The following PAPPA2 variants were observed in gnomAD, a reference collection of about 807,000 sequenced individuals.
PAPPA2 encodes the protein pappalysin 2.
A neutral mutation model predicts 176.4 loss-of-function variants in PAPPA2; 86 were observed. That is an observed-to-expected ratio of 0.49 (90% CI 0.41 to 0.58). PAPPA2 has a LOEUF of 0.58. PAPPA2 is among the 20% of genes least tolerant of loss of function. The pLI, the probability that PAPPA2 is intolerant of heterozygous loss-of-function variation, is 0.00. For synonymous variants in PAPPA2, 809 were observed against 852.2 expected (o/e 0.95, Z 0.88); for missense variants, 2,073 against 2,256.9 (o/e 0.92, Z 1.65).
intron 2 of PAPPA2, among the ~76,000 whole-genome samples, chr1:176,578,220 G>A (rs1652764031): frequency 6.6e-6 from 1 of 152,200 alleles, no homozygotes; most frequent in Non-Finnish European, 1.5e-5. Context: ...AAGAAAAGCT[G>A]TCAATAAGAT....
intron 3 of PAPPA2, among the ~76,000 whole-genome samples, chr1:176,653,760 T>C (rs1471949487): frequency 6.6e-6 from 1 of 151,746 alleles, no homozygotes; most frequent in Non-Finnish European, 1.5e-5. Context: ...AATCTGATTC[T>C]GTCTCTATTG....
chr1:176,666,505 C>A (rs1416264862), intron 3 of PAPPA2, among the ~76,000 whole-genome samples: 1 of 148,828 alleles, frequency 6.7e-6, no homozygotes, highest in African/African-American at 2.5e-5. Context: ...TCTCAGAAAA[C>A]CTCATCTTGT....
At chr1:176,526,621 C>T (rs150189049) in intron 1 of PAPPA2, among the ~76,000 whole-genome samples, 181 of 152,290 alleles carry the variant, frequency 1.2e-3, no homozygotes, top group African/African-American at 4.3e-3. Flanking sequence ...ACTGAGGTTT[C>T]GGGGTGATTT....
intron 4 of PAPPA2, among the ~76,000 whole-genome samples, chr1:176,676,825 A>AT (rs1430694253): frequency 1.1e-3 from 166 of 152,278 alleles, no homozygotes; most frequent in African/African-American, 3.9e-3. Flanking sequence ...TATTTTGCAT[A>AT]TAGCAGGTGC....
At chr1:176,551,822 G>T (rs75321216) in intron 1 of PAPPA2, among the ~76,000 whole-genome samples, 16 of 152,166 alleles carry the variant, frequency 1.1e-4, no homozygotes, top group East Asian at 9.7e-4. Flanking sequence ...GGTTTCTTTA[G>T]GGGGGTGGGT....
In PAPPA2 at chr1:176,784,179, A is replaced by C. The variant is rs74127236; in HGVS notation, c.4716-5630A>C. On this transcript the variant is annotated intron_variant, in intron 17 of 22. Coordinates refer to ENST00000367662, the MANE Select transcript of PAPPA2 (RefSeq NM_020318.3). ...GGAGGGTACTTGGCATGGGCTATCA[A>C]AGATGTTTTGGAATCTCTATCCTGG... Among the ~76,000 whole-genome samples, 213 of 152,354 alleles carry C rather than the reference A, an allele frequency of 1.4e-3. 2 individuals are homozygous for C. The highest frequency in any genetic ancestry group is 5.0e-3 in the African/African-American group (207 of 41,588).
At chr1:176,596,813 G>T (rs1409186106) in intron 3 of PAPPA2, among the ~76,000 whole-genome samples, 2 of 152,194 alleles carry the variant, frequency 1.3e-5, no homozygotes, top group Non-Finnish European at 2.9e-5. Flanking sequence ...TGTTGCAGGG[G>T]TTGGACATAA....
chr1:176,534,250 T>C (rs746274995), intron 1 of PAPPA2, among the ~76,000 whole-genome samples: 8 of 152,280 alleles, frequency 5.3e-5, no homozygotes, highest in East Asian at 1.9e-4. Flanking sequence ...CCCCAGGATA[T>C]TGGATTCCCA....
chr1:176,507,267 TA>T (rs1484810502), intron 1 of PAPPA2, among the ~76,000 whole-genome samples: 1 of 152,056 alleles, frequency 6.6e-6, no homozygotes, highest in Non-Finnish European at 1.5e-5. Context: ...GAATGACTGT[TA>T]CTAAAAAGTA....
chr1:176,540,696 A>G (rs1650317496), intron 1 of PAPPA2, among the ~76,000 whole-genome samples: 1 of 152,208 alleles, frequency 6.6e-6, no homozygotes, highest in South Asian at 2.1e-4. Flanking sequence ...CAAAATGTTG[A>G]GTTGAGATGT....
chr1:176,811,316 G>T (rs1666136048), intron 21 of PAPPA2, among the ~76,000 whole-genome samples: 1 of 152,092 alleles, frequency 6.6e-6, no homozygotes, highest in African/African-American at 2.4e-5. Context: ...TTATTTATAT[G>T]TTGTCATATA....
chr1:176,728,091 A>C (rs1449408642), intron 12 of PAPPA2, among the ~76,000 whole-genome samples: 3 of 152,018 alleles, frequency 2.0e-5, no homozygotes, highest in Non-Finnish European at 4.4e-5. Context: ...ACCTTAAATA[A>C]GTAGAAAAAG....
At chr1:176,799,843 C>A (rs1665599559) in intron 20 of PAPPA2, among the ~76,000 whole-genome samples, 2 of 152,054 alleles carry the variant, frequency 1.3e-5, no homozygotes, top group South Asian at 4.2e-4. Context: ...TTCGAGAAAT[C>A]TCCTCCACTG....
intron 14 of PAPPA2, among the ~76,000 whole-genome samples, chr1:176,743,162 GATTACAA>G (rs2102877620): frequency 1.3e-5 from 2 of 152,266 alleles, no homozygotes; most frequent in South Asian, 4.1e-4. Context: ...ATTTCCTCCT[GATTACAA>G]ATGTACTGGG....
intron 12 of PAPPA2, among the ~76,000 whole-genome samples, chr1:176,722,963 G>T (rs1159731400): frequency 1.3e-5 from 2 of 152,158 alleles, no homozygotes; most frequent in Non-Finnish European, 2.9e-5. Context: ...ACCACAGACT[G>T]GTTAGTTTAT....
chr1:176,815,197 T>C (rs908000906), intron 21 of PAPPA2, among the ~76,000 whole-genome samples: 2 of 152,190 alleles, frequency 1.3e-5, no homozygotes, highest in African/African-American at 4.8e-5. Flanking sequence ...CTAAGTTGAT[T>C]ACAAATATTT....
chr1:176,568,871 A>G (rs1447909948), intron 2 of PAPPA2, among the ~76,000 whole-genome samples: 1 of 152,200 alleles, frequency 6.6e-6, no homozygotes, highest in African/African-American at 2.4e-5. Context: ...TTTGATTGCA[A>G]CCAAGAGGAG....
Position 176,498,502 on chromosome 1 carries a change from C to T in PAPPA2, c.-917+35084C>T, listed in dbSNP as rs558391653. Among the ~76,000 whole-genome samples, 38 of 152,178 alleles carry T rather than the reference C, an allele frequency of 2.5e-4. 1 individual carries two copies. The highest frequency in any genetic ancestry group is 5.9e-4 in the Admixed American group (9 of 15,284). The stretch of plus-strand genomic sequence containing the variant: ...CGGTGGCTCACATCTGTAATCCCAG[C>T]GCTTTGGGTGGCCAAGGTGGGTGGA... On this transcript the variant is annotated intron_variant, in intron 1 of 22. Coordinates refer to ENST00000367662, the MANE Select transcript of PAPPA2 (RefSeq NM_020318.3).
chr1:176,710,821 T>C (rs1222955270), intron 11 of PAPPA2, among the ~76,000 whole-genome samples: 1 of 152,164 alleles, frequency 6.6e-6, no homozygotes, highest in Non-Finnish European at 1.5e-5. Context: ...AAGACATCTT[T>C]GAAGAGATTG....
Sources: allele counts gnomAD v4.1 joint callset (sites outside exome capture counted in the v4.1 genomes callset), GRCh38; gene constraint gnomAD v4.1.1; transcripts MANE v1.5; gene names NCBI Gene and HGNC (gene_info 2026-07-23, HGNC 2026-07-21).